Variants in WDFY4 observed in about 807,000 individuals in gnomAD.
The protein encoded by WDFY4 is WD repeat- and FYVE domain-containing protein 4.
In WDFY4, 169 loss-of-function variants were observed where a neutral mutation model predicts 351.9. The observed-to-expected ratio is 0.48, with a 90% CI of 0.42 to 0.55. WDFY4 has a LOEUF of 0.55. Ranked by LOEUF, WDFY4 falls within the 20% of genes least tolerant of loss-of-function variation. The pLI, the probability that WDFY4 is intolerant of heterozygous loss-of-function variation, is 0.00. For synonymous variants in WDFY4, 1,622 were observed against 1,574.6 expected (o/e 1.03, Z -0.71); for missense variants, 3,803 against 3,935.6 (o/e 0.97, Z 0.90).
intron 33 of WDFY4, among the ~76,000 whole-genome samples, chr10:48,820,670 G>A (rs1315111494): frequency 6.6e-6 from 1 of 152,198 alleles, no homozygotes; most frequent in Non-Finnish European, 1.5e-5. Context: ...TTGGCCAGTG[G>A]GTTGGAGGCG....
chr10:48,840,666 T>C (rs914436896), intron 39 of WDFY4, among the ~76,000 whole-genome samples: 2 of 151,756 alleles, frequency 1.3e-5, no homozygotes, highest in African/African-American at 4.8e-5. Flanking sequence ...AGGACGAGAG[T>C]TCCCTACAGC....
intron 23 of WDFY4, among the ~76,000 whole-genome samples, chr10:48,793,735 T>C (rs2066759636): frequency 6.6e-6 from 1 of 152,200 alleles, no homozygotes; most frequent in Non-Finnish European, 1.5e-5. Flanking sequence ...GGTGCTCAGT[T>C]AGGATTGAGG....
chr10:48,924,675 A>T (rs191107751), intron 47 of WDFY4, among the ~76,000 whole-genome samples: 1 of 152,324 alleles, frequency 6.6e-6, no homozygotes, highest in East Asian at 1.9e-4. Flanking sequence ...TTAATTTCTA[A>T]TTAATTTTTT....
intron 2 of WDFY4, among the ~76,000 whole-genome samples, chr10:48,711,635 G>T (rs2063770046): frequency 6.6e-6 from 1 of 152,258 alleles, no homozygotes; most frequent in East Asian, 1.9e-4. Context: ...GAGTTCATTT[G>T]TTTGTTGCAC....
chr10:48,951,757 G>A (rs1311935835), intron 51 of WDFY4, among the ~76,000 whole-genome samples: 3 of 152,186 alleles, frequency 2.0e-5, no homozygotes, highest in Non-Finnish European at 4.4e-5. Flanking sequence ...GAGTCACTAG[G>A]AGGTCAGGCC....
intron 24 of WDFY4, 23 bp downstream of exon 24, chr10:48,796,473 G>C: frequency 6.5e-7 from 1 of 1,546,746 alleles, no homozygotes; most frequent in Non-Finnish European, 8.7e-7. Context: ...TTGGCCCTTA[G>C]TCCTTCAGGA....
intron 39 of WDFY4, among the ~76,000 whole-genome samples, chr10:48,838,541 T>C (rs1314572362): frequency 6.6e-6 from 1 of 152,170 alleles, no homozygotes; most frequent in Non-Finnish European, 1.5e-5. Flanking sequence ...CTATCCCCTC[T>C]GAGCACTTCA....
chr10:48,804,367 AAGAGAATAC>A (rs996133513), intron 25 of WDFY4, among the ~76,000 whole-genome samples: 5 of 152,216 alleles, frequency 3.3e-5, no homozygotes, highest in African/African-American at 1.2e-4. Context: ...GTCTGATAAA[AAGAGAATAC>A]AGAAAAACAT....
At chr10:48,727,854 G>T (rs116989924) in intron 7 of WDFY4, among the ~76,000 whole-genome samples, 195 bp downstream of exon 7, 2 of 152,204 alleles carry the variant, frequency 1.3e-5, no homozygotes, top group Non-Finnish European at 2.9e-5. Context: ...GTTTTACAAA[G>T]TGTACTTGTA....
intron 57 of WDFY4, among the ~76,000 whole-genome samples, chr10:48,974,133 C>T (rs1341913810): frequency 2.0e-5 from 3 of 152,158 alleles, no homozygotes; most frequent in Non-Finnish European, 4.4e-5. Context: ...AATTTGCATT[C>T]TAAGAGGCTA....
intron 47 of WDFY4, among the ~76,000 whole-genome samples, chr10:48,936,882 A>G (rs1268478482): frequency 6.6e-6 from 1 of 151,144 alleles, no homozygotes; most frequent in Non-Finnish European, 1.5e-5. Flanking sequence ...AGTGCTCATA[A>G]TTTTGGCAAC....
At chr10:48,851,494 C>T (rs955721231) in intron 39 of WDFY4, among the ~76,000 whole-genome samples, 4 of 152,176 alleles carry the variant, frequency 2.6e-5, no homozygotes, top group Admixed American at 1.3e-4. Flanking sequence ...GACTCGGCGT[C>T]CCTCCCCTCT....
chr10:48,974,391 C>T (rs1842458450), intron 57 of WDFY4, among the ~76,000 whole-genome samples: 1 of 148,828 alleles, frequency 6.7e-6, no homozygotes, highest in Non-Finnish European at 1.5e-5. Flanking sequence ...GTAATCCCAG[C>T]TACTTGGGAG....
chr10:48,941,047 T>C (rs1221075550), intron 47 of WDFY4, among the ~76,000 whole-genome samples: 1 of 152,174 alleles, frequency 6.6e-6, no homozygotes, highest in Non-Finnish European at 1.5e-5. Flanking sequence ...CTCACAGAAG[T>C]ACCCAGAGAC....
intron 2 of WDFY4, among the ~76,000 whole-genome samples, chr10:48,717,999 G>A (rs1336377305): frequency 6.6e-6 from 1 of 151,994 alleles, no homozygotes; most frequent in South Asian, 2.1e-4. Flanking sequence ...TCTTCCAACC[G>A]ATACTCTGTC....
intron 2 of WDFY4, among the ~76,000 whole-genome samples, chr10:48,716,317 G>A (rs2063909215): frequency 6.6e-6 from 1 of 152,098 alleles, no homozygotes. Flanking sequence ...CTCCCCTAGA[G>A]CTTAGCCATT....
chr10:48,853,207 C>T (rs1215905146), intron 39 of WDFY4, among the ~76,000 whole-genome samples: 1 of 152,132 alleles, frequency 6.6e-6, no homozygotes, highest in Non-Finnish European at 1.5e-5. Context: ...CTTATTATCT[C>T]TCAGGAGTCT....
At chr10:48,888,556 C>T (rs1361199205) in intron 43 of WDFY4, among the ~76,000 whole-genome samples, 2 of 152,092 alleles carry the variant, frequency 1.3e-5, no homozygotes, top group African/African-American at 4.8e-5. Flanking sequence ...TGGAAACAAA[C>T]TCTCCCATGG....
chr10:48,821,202 C>T (rs1027654139), intron 34 of WDFY4, 26 bp downstream of exon 34: 2 of 1,501,406 alleles, frequency 1.3e-6, no homozygotes, highest in African/African-American at 2.8e-5. Context: ...CGGTCCCCTC[C>T]ATTCATGACA....
Sources: gnomAD v4.1 joint callset for allele counts (sites outside exome capture counted in the v4.1 genomes callset) on GRCh38, gnomAD v4.1.1 for gene constraint, MANE v1.5 for transcripts, NCBI Gene and HGNC (gene_info 2026-07-23, HGNC 2026-07-21) for gene names.